Variants in ZFAT observed in about 807,000 individuals in gnomAD.
ZFAT encodes zinc finger protein ZFAT.
ZFAT carries 64 observed loss-of-function variants against 117.7 expected under a neutral mutation model. That is an observed-to-expected ratio of 0.54 (90% CI 0.44 to 0.67). ZFAT has a LOEUF of 0.67. ZFAT is among the 30% of genes least tolerant of loss of function. ZFAT has a pLI of 0.00. For missense variants in ZFAT, 1,433 were observed against 1,584.5 expected (o/e 0.90, Z 1.62); for synonymous variants, 679 against 615.0 (o/e 1.10, Z -1.54).
chr8:134,730,918 C>A, the ZFAT span, among the ~76,000 whole-genome samples: 1 of 152,166 alleles, frequency 6.6e-6, no homozygotes, highest in East Asian at 1.9e-4. Context: ...TGAAGGGCTA[C>A]TATATGAAGA....
intron 3 of ZFAT, among the ~76,000 whole-genome samples, chr8:134,611,267 A>T (rs1828311105): frequency 6.6e-6 from 1 of 152,258 alleles, no homozygotes; most frequent in Admixed American, 6.5e-5. Flanking sequence ...TGGTTCACAT[A>T]AAAAGCAAGC....
At chr8:134,518,813 C>T (rs1239009757) in intron 13 of ZFAT, among the ~76,000 whole-genome samples, 1 of 152,066 alleles carries the variant, frequency 6.6e-6, no homozygotes, top group Non-Finnish European at 1.5e-5. Context: ...AAATTTTTCT[C>T]ATATAACTTT....
intron 3 of ZFAT, among the ~76,000 whole-genome samples, chr8:134,610,978 G>A (rs1828294342): frequency 6.6e-6 from 1 of 152,238 alleles, no homozygotes; most frequent in African/African-American, 2.4e-5. Flanking sequence ...ACACTGCACA[G>A]AAGATAAGGT....
intron 1 of ZFAT, among the ~76,000 whole-genome samples, chr8:134,672,203 C>T (rs1021769970): frequency 6.6e-6 from 1 of 152,200 alleles, no homozygotes; most frequent in Non-Finnish European, 1.5e-5. Flanking sequence ...AGATTCAATG[C>T]CATCCCCATC....
Position 134,601,809 on chromosome 8 carries a change from T to C in ZFAT, c.1910A>G (p.Lys637Arg), listed in dbSNP as rs762112207. Reference sequence around the variant, plus strand: ...CTGATCTGACCCAGCACTCTGGGCCTTGGACAGCAGTAGTGTGATCACTTC... The same window carrying C: ...CTGATCTGACCCAGCACTCTGGGCCCTGGACAGCAGTAGTGTGATCACTTC... ...QGEVITLLLSKAQSAGSDQES... is the reference protein window; with the variant it reads ...QGEVITLLLSRAQSAGSDQES... Residue 637 changes from lysine (K) to arginine (R), a missense_variant, in exon 6 of 16, where the codon AAG (lysine) becomes AGG (arginine). By Grantham distance (26) the Lys-to-Arg change is conservative (BLOSUM62 2). Coordinates refer to ENST00000377838, the MANE Select transcript of ZFAT (RefSeq NM_020863.4). 6.2e-7 allele frequency: 1 copy of C among 1,613,878 alleles called. No individual in the cohort carries two copies. Among genetic ancestry groups the C allele is most frequent in the Non-Finnish European group, 8.5e-7 (1 of 1,179,878 alleles).
rs1366024797 is a variant in ZFAT at position 134,657,670 on chromosome 8, G to T, written c.87C>A (p.Ser29=). The change falls in exon 2 of 16, where the codon TCC becomes TCA. Residue 29 remains serine, a synonymous_variant. Transcript: ENST00000377838. ...LFSPNQSELL[S]HVSEKHMEEG... ...CTTCCATGTGCTTCTCTGAAACGTG[G>T]GAGAGGAGTTCCGACTGATTTGGTG... is the stretch of plus-strand genomic sequence containing the variant. 6.2e-7 allele frequency: 1 copy of T among 1,614,122 alleles called. No individual in the cohort carries two copies. Among genetic ancestry groups the T allele is most frequent in the South Asian group, 1.1e-5 (1 of 91,080 alleles).
Position 134,594,391 on chromosome 8 carries a change from C to A in ZFAT, c.2476-4036G>T, listed in dbSNP as rs547587888. Among the ~76,000 whole-genome samples, 10 of 152,330 alleles carry A rather than the reference C, an allele frequency of 6.6e-5. No homozygotes were observed. The South Asian group carries it at 1.9e-3, about 28-fold the overall frequency. On this transcript the variant is annotated intron_variant, in intron 7 of 15. Coordinates refer to ENST00000377838, the MANE Select transcript of ZFAT (RefSeq NM_020863.4). ...AGAAGAGGATTGAAAGTAGCTTCGT[C>A]TACCTTCTCAGTGCTTTGTTGGCAA...
the ZFAT span, among the ~76,000 whole-genome samples, chr8:134,781,364 G>T: frequency 6.6e-6 from 1 of 152,096 alleles, no homozygotes; most frequent in African/African-American, 2.4e-5. Flanking sequence ...TCTAAGCTCA[G>T]TTGAGAGTGG....
chr8:134,678,446 C>T (rs1475770942), intron 1 of ZFAT, among the ~76,000 whole-genome samples: 1 of 152,084 alleles, frequency 6.6e-6, no homozygotes, highest in Non-Finnish European at 1.5e-5. Flanking sequence ...TAAGAGAGGA[C>T]ACAAACAAAT....
intron 15 of ZFAT, among the ~76,000 whole-genome samples, chr8:134,501,634 C>G (rs761315256): frequency 6.6e-6 from 1 of 152,066 alleles, no homozygotes; most frequent in Non-Finnish European, 1.5e-5. Flanking sequence ...CACACACGCA[C>G]AGGCAAGATG....
the ZFAT span, among the ~76,000 whole-genome samples, chr8:134,826,848 T>G: frequency 5.3e-5 from 8 of 152,184 alleles, no homozygotes; most frequent in Non-Finnish European, 8.8e-5. Flanking sequence ...ATGAAACAGC[T>G]GGGAGAAAAT....
chr8:134,536,240 T>G (rs1416143553), intron 11 of ZFAT, among the ~76,000 whole-genome samples: 1 of 152,216 alleles, frequency 6.6e-6, no homozygotes, highest in Non-Finnish European at 1.5e-5. Flanking sequence ...AAAGAAACAC[T>G]TGACTTGGCG....
intron 1 of ZFAT, among the ~76,000 whole-genome samples, chr8:134,677,587 A>G (rs1832866812): frequency 6.6e-6 from 1 of 152,212 alleles, no homozygotes; most frequent in Non-Finnish European, 1.5e-5. Context: ...TCCCTAACTC[A>G]TTTTATGAGG....
chr8:134,630,785 TC>T (rs1452330441), intron 3 of ZFAT, among the ~76,000 whole-genome samples: 1 of 152,206 alleles, frequency 6.6e-6, no homozygotes, highest in Non-Finnish European at 1.5e-5. Context: ...TGAAAACATA[TC>T]AAAAGAGTTA....
the ZFAT span, among the ~76,000 whole-genome samples, chr8:134,734,676 G>A: frequency 2.6e-5 from 4 of 152,192 alleles, no homozygotes; most frequent in African/African-American, 9.7e-5. Flanking sequence ...GAGTTGAGAG[G>A]AGAGCTGTCT....
At chr8:134,793,542 T>A in the ZFAT span, 2 of 152,180 alleles carry the variant, frequency 1.3e-5, no homozygotes, top group Non-Finnish European at 2.9e-5. Context: ...TAGATTCTTG[T>A]AAGGAGCACG....
the ZFAT span, among the ~76,000 whole-genome samples, chr8:134,817,599 C>G: frequency 6.6e-6 from 1 of 152,094 alleles, no homozygotes; most frequent in East Asian, 1.9e-4. Flanking sequence ...TCAGAAGACT[C>G]AATAATTTTA....
chr8:134,632,750 A>G (rs1209812146), intron 3 of ZFAT, among the ~76,000 whole-genome samples: 1 of 152,262 alleles, frequency 6.6e-6, no homozygotes, highest in Non-Finnish European at 1.5e-5. Flanking sequence ...AAAGAAAATT[A>G]AAAGACAAAT....
chr8:134,576,820 T>C lies in ZFAT; in HGVS notation c.2887+7012A>G, dbSNP rs143608262. On this transcript the variant is annotated intron_variant, in intron 10 of 15. Coordinates refer to ENST00000377838, the MANE Select transcript of ZFAT (RefSeq NM_020863.4). ...ATTTCCATACTCAACTCTCCACTTG[T>C]CTATTACAAGAGTGCTTGAAGCCTG... Among the ~76,000 whole-genome samples, 439 of 152,344 alleles carry C rather than the reference T, an allele frequency of 2.9e-3. 2 individuals are homozygous for C. The highest frequency in any genetic ancestry group is 0.01 in the African/African-American group (418 of 41,576).
Sources: allele counts gnomAD v4.1 joint callset (sites outside exome capture counted in the v4.1 genomes callset), GRCh38; gene constraint gnomAD v4.1.1; transcripts MANE v1.5; gene names NCBI Gene and HGNC (gene_info 2026-07-23, HGNC 2026-07-21).